Variants in GPR176 observed in about 807,000 individuals in gnomAD.
GPR176 encodes the protein G protein-coupled receptor 176.
GPR176 carries 26 observed loss-of-function variants against 35.4 expected under a neutral mutation model. The observed-to-expected ratio is 0.74, with a 90% CI of 0.54 to 1.02. The LOEUF (loss-of-function observed/expected upper bound fraction) is 1.02. Among genes scored for constraint, GPR176 ranks in the 50% least tolerant of loss-of-function variants. The pLI is 0.00. For synonymous variants in GPR176, 278 were observed against 271.3 expected, an observed-to-expected ratio of 1.02 and a Z score of -0.24; for missense variants, 597 against 665.3, an observed-to-expected ratio of 0.90 and a Z score of 1.13.
chr15:39,846,014 C>T (rs1449808757), intron 1 of GPR176, among the ~76,000 whole-genome samples: 3 of 152,202 alleles, frequency 2.0e-5, no homozygotes, highest in Admixed American at 6.5e-5. Flanking sequence ...TGAGCCTTCA[C>T]TCTCAGTATA....
rs1055476204 is a variant in GPR176 at position 39,874,423 on chromosome 15, A to G, written c.172+45432T>C. Among the ~76,000 whole-genome samples, 26 of 152,144 alleles carry G rather than the reference A, an allele frequency of 1.7e-4. 1 individual carries two copies. The highest frequency in any genetic ancestry group is 6.0e-4 in the African/African-American group (25 of 41,424). The stretch of plus-strand genomic sequence containing the variant: ...TTAGCCTAATTGGCATCTTTTTTTT[A>G]TATTGACAGAGCTTTATGCAATAAC... On this transcript the variant is annotated intron_variant, in intron 1 of 2. Coordinates refer to ENST00000561100, the MANE Select transcript of GPR176 (RefSeq NM_007223.3).
rs747415562 is a variant in GPR176 at position 39,801,586 on chromosome 15, G to A, written c.1094C>T (p.Ser365Leu). The stretch of plus-strand genomic sequence containing the variant: ...GAACATCTCCAGGAGCTGGCTACCC[G>A]AGCGTATGCTGGGTTCCAGGCTGGC... The part of the protein sequence containing the change: ...AEASLEPSIR[S>L]GSQLLEMFHI... Residue 365 changes from serine to leucine, a missense_variant, in exon 3 of 3, where the codon TCG becomes TTG. Ser to Leu is a moderately radical substitution (Grantham distance 145). Transcript: ENST00000561100. The A allele has an allele frequency of 1.7e-5, 28 of 1,613,506 alleles. No individual in the cohort carries two copies. The highest frequency in any genetic ancestry group is 2.2e-5 in the Non-Finnish European group (26 of 1,179,538).
At chr15:39,803,385 T>C (rs1899009303) in intron 2 of GPR176, among the ~76,000 whole-genome samples, 4 of 146,080 alleles carry the variant, frequency 2.7e-5, no homozygotes, top group Admixed American at 7.1e-5. Context: ...GTTCAAGCCA[T>C]TCTCCTGCCT....
intron 1 of GPR176, among the ~76,000 whole-genome samples, chr15:39,841,237 G>A (rs949197054): frequency 3.3e-5 from 5 of 152,010 alleles, no homozygotes; most frequent in African/African-American, 1.2e-4. Flanking sequence ...TCATAATAAC[G>A]ACCAATACAT....
At chr15:39,810,025 G>A (rs1899443434) in intron 1 of GPR176, among the ~76,000 whole-genome samples, 1 of 151,870 alleles carries the variant, frequency 6.6e-6, no homozygotes, top group South Asian at 2.1e-4. Flanking sequence ...GGCGCCTATA[G>A]TACCAGCTGC....
chr15:39,866,749 T>C (rs2031847724), intron 1 of GPR176, among the ~76,000 whole-genome samples: 1 of 152,222 alleles, frequency 6.6e-6, no homozygotes, highest in Non-Finnish European at 1.5e-5. Flanking sequence ...CCTGCATGTG[T>C]ATCCCCGAAT....
rs770022925 is a variant in GPR176 at position 39,801,184 on chromosome 15, C to T, written c.1496G>A (p.Arg499Gln). 1.4e-5 allele frequency: 22 copies of T among 1,613,068 alleles called. No individual in the cohort carries two copies. The East Asian group carries it at 1.6e-4, about 11-fold the overall frequency. ...CACTTTATTGTTTCTGCTCATCTTC[C>T]GCTCCACCCTGCCTACCTTGGGCAC... is the stretch of plus-strand genomic sequence containing the variant. Reference protein sequence around the residue: ...TKVPKVGRVERKMSRNNKVSI... With the variant: ...TKVPKVGRVEQKMSRNNKVSI... The change falls in exon 3 of 3, where the codon CGG (arginine) becomes CAG (glutamine). Residue 499 changes from arginine to glutamine, a missense_variant. Coordinates refer to ENST00000561100, the MANE Select transcript of GPR176 (RefSeq NM_007223.3).
At chr15:39,807,309 TA>T in intron 1 of GPR176, 51 bp from the exon 2 acceptor site, 9 of 1,218,776 alleles carry the variant, frequency 7.4e-6, no homozygotes, top group East Asian at 5.6e-5. Context: ...ATTTAAGAAC[TA>T]AAAAAAGGAA....
At chr15:39,882,171 T>G (rs1360175227) in intron 1 of GPR176, among the ~76,000 whole-genome samples, 1 of 152,062 alleles carries the variant, frequency 6.6e-6, no homozygotes, top group Non-Finnish European at 1.5e-5. Flanking sequence ...ACAAAACAAA[T>G]AAAGATTATT....
chr15:39,862,667 C>T (rs150284853), intron 1 of GPR176, among the ~76,000 whole-genome samples: 3 of 152,314 alleles, frequency 2.0e-5, no homozygotes, highest in African/African-American at 7.2e-5. Context: ...TAGCACAATG[C>T]ATTATTCATG....
intron 1 of GPR176, among the ~76,000 whole-genome samples, chr15:39,841,841 T>C (rs112012183): frequency 0.022 from 3,386 of 152,308 alleles, 56 homozygotes; most frequent in Non-Finnish European, 0.033. Context: ...GGCTTACTTA[T>C]AAACTTTGGC....
At chr15:39,806,480 G>A (rs1899195206) in intron 2 of GPR176, among the ~76,000 whole-genome samples, 1 of 152,184 alleles carries the variant, frequency 6.6e-6, no homozygotes, top group Admixed American at 6.5e-5. Flanking sequence ...TCTTTTTAAA[G>A]AGGATAGGAA....
chr15:39,839,064 G>A (rs1901583033), intron 1 of GPR176, among the ~76,000 whole-genome samples: 2 of 152,092 alleles, frequency 1.3e-5, no homozygotes, highest in Non-Finnish European at 2.9e-5. Context: ...TACTGCCCAA[G>A]GTAATTTATA....
At chr15:39,841,478 T>C (rs1302324573) in intron 1 of GPR176, among the ~76,000 whole-genome samples, 1 of 152,118 alleles carries the variant, frequency 6.6e-6, no homozygotes, top group Non-Finnish European at 1.5e-5. Flanking sequence ...AGGGGAGATT[T>C]GTCCGCAGAG....
At chr15:39,839,682 C>G (rs1209845882) in intron 1 of GPR176, among the ~76,000 whole-genome samples, 1 of 151,996 alleles carries the variant, frequency 6.6e-6, no homozygotes, top group Admixed American at 6.6e-5. Context: ...ACCATCAGAG[C>G]GAACAGGCAA....
rs555253043 is a variant in GPR176 at position 39,868,919 on chromosome 15, G to C, written c.172+50936C>G. ...GGTCTGGCTTCATAAAAGAGTCTGA[G>C]GTCACCGGAAATGGGAAATGGGCTT... On this transcript the variant is annotated intron_variant, in intron 1 of 2. Transcript: ENST00000561100. Among the ~76,000 whole-genome samples, 373 of 151,962 alleles carry C rather than the reference G, an allele frequency of 2.5e-3. 1 individual carries two copies. Among genetic ancestry groups the C allele is most frequent in the African/African-American group, 8.7e-3 (360 of 41,420 alleles).
chr15:39,873,579 A>T (rs1166747452), intron 1 of GPR176, among the ~76,000 whole-genome samples: 1 of 151,180 alleles, frequency 6.6e-6, no homozygotes, highest in Non-Finnish European at 1.5e-5. Context: ...TTAGCACCTC[A>T]TTCTATGAGA....
At chr15:39,901,409 T>C (rs868639752) in intron 1 of GPR176, among the ~76,000 whole-genome samples, 24 of 152,288 alleles carry the variant, frequency 1.6e-4, no homozygotes, top group Middle Eastern at 3.4e-3. Flanking sequence ...TTAAAGTCTC[T>C]ATATTTTTCC....
At position 39,894,231 on chromosome 15, in the gene GPR176, CCCGGACGGGGCGG is replaced by C. The variant is rs2033005958; in HGVS notation, c.172+25611_172+25623del. 2.2e-5 allele frequency among the ~76,000 whole-genome samples: 3 copies of C among 136,772 alleles called. 1 individual carries two copies. Among genetic ancestry groups the C allele is most frequent in the African/African-American group, 5.2e-5 (2 of 38,104 alleles). 89.7% of individuals were successfully genotyped at this position (136,772 alleles called of 152,430 possible). A position where few individuals can be genotyped will look rare whatever the true frequency, so the allele number is the denominator to read the frequency against. On this transcript the variant is annotated intron_variant, in intron 1 of 2. Transcript: ENST00000561100. ...GGCCGGGCAGAGGCGCCCCTCACCT[CCCGGACGGGGCGG>C]CTGGCCGGGTTGGGGGCTGACCCCC... is the stretch of plus-strand genomic sequence containing the variant.
Sources: allele counts gnomAD v4.1 joint callset (sites outside exome capture counted in the v4.1 genomes callset), GRCh38; gene constraint gnomAD v4.1.1; transcripts MANE v1.5; gene names NCBI Gene and HGNC (gene_info 2026-07-23, HGNC 2026-07-21).